CLEC2A: variants seen among roughly 807,000 people sequenced by gnomAD.
CLEC2A encodes the protein keratinocyte-associated C-type lectin.
A neutral mutation model predicts 18.6 loss-of-function variants in CLEC2A; 19 were observed. The ratio of observed to expected loss-of-function variants is 1.02; its 90% CI spans 0.71 to 1.50. The LOEUF (loss-of-function observed/expected upper bound fraction) is 1.50. CLEC2A is among the 40% of genes most tolerant of loss of function. CLEC2A has a pLI of 0.00. For synonymous variants in CLEC2A, 74 were observed against 64.0 expected, an observed-to-expected ratio of 1.16 and a Z score of -0.75; for missense variants, 190 against 207.9, an observed-to-expected ratio of 0.91 and a Z score of 0.53.
chr12:9,920,572 G>C (rs1381774751), intron 3 of CLEC2A, among the ~76,000 whole-genome samples: 1 of 152,148 alleles, frequency 6.6e-6, no homozygotes, highest in East Asian at 1.9e-4. Flanking sequence ...TCTATGGGTT[G>C]AGTTGTTTCC....
At chr12:9,900,077 T>C (rs1347241723) in intron 4 of CLEC2A, among the ~76,000 whole-genome samples, 1 of 152,208 alleles carries the variant, frequency 6.6e-6, no homozygotes, top group East Asian at 1.9e-4. Flanking sequence ...GCTACAGTTA[T>C]GTTGCTAGGA....
the CLEC2A span, among the ~76,000 whole-genome samples, chr12:9,887,878 C>T: frequency 6.6e-6 from 1 of 150,542 alleles, no homozygotes; most frequent in Non-Finnish European, 1.5e-5. Flanking sequence ...ATGGTGAAAC[C>T]CCGTCCCTAA....
At chr12:9,909,802 G>A (rs1862957371), downstream of CLEC2A, among the ~76,000 whole-genome samples, 2 of 152,122 alleles carry the variant, frequency 1.3e-5, no homozygotes, top group Admixed American at 1.3e-4. Flanking sequence ...GTTGTAAGGG[G>A]TGGGGAACAA....
the CLEC2A span, among the ~76,000 whole-genome samples, chr12:9,883,860 G>A: frequency 6.6e-6 from 1 of 152,120 alleles, no homozygotes; most frequent in African/African-American, 2.4e-5. Flanking sequence ...ACAGAAATTA[G>A]ATTTGAGAAA....
intron 3 of CLEC2A, among the ~76,000 whole-genome samples, chr12:9,917,376 G>A (rs1296721819): frequency 6.6e-6 from 1 of 152,008 alleles, no homozygotes; most frequent in Non-Finnish European, 1.5e-5. Context: ...CATAGTTCTG[G>A]GTTAATTATG....
chr12:9,879,541 T>C, the CLEC2A span, among the ~76,000 whole-genome samples: 58 of 152,296 alleles, frequency 3.8e-4, no homozygotes, highest in Admixed American at 3.1e-3. Flanking sequence ...AAATAACAAG[T>C]ATTTCTTTGC....
At chr12:9,885,125 G>T in the CLEC2A span, 2 of 393,750 alleles carry the variant, frequency 5.1e-6, no homozygotes, top group East Asian at 3.8e-5. Flanking sequence ...CTACACTGTA[G>T]TCCAAAACTG....
chr12:9,914,708 T>G (rs1863041438), intron 4 of CLEC2A, among the ~76,000 whole-genome samples: 1 of 152,086 alleles, frequency 6.6e-6, no homozygotes, highest in Non-Finnish European at 1.5e-5. Context: ...TATACAAAAA[T>G]TAACTCAAGA....
chr12:9,913,863 T>C (rs1414246474), intron 4 of CLEC2A, among the ~76,000 whole-genome samples, 183 bp from the exon 5 acceptor site: 1 of 152,198 alleles, frequency 6.6e-6, no homozygotes, highest in Non-Finnish European at 1.5e-5. Flanking sequence ...AGACTGAACA[T>C]AAGTGTTGGA....
the CLEC2A span, among the ~76,000 whole-genome samples, chr12:9,891,583 G>A: frequency 6.6e-6 from 1 of 152,114 alleles, no homozygotes; most frequent in Non-Finnish European, 1.5e-5. Context: ...AACTTGGGAG[G>A]TATATGAGAG....
At chr12:9,908,127 G>A (rs1476173000) in intron 4 of CLEC2A, among the ~76,000 whole-genome samples, 1 of 152,136 alleles carries the variant, frequency 6.6e-6, no homozygotes, top group Non-Finnish European at 1.5e-5. Context: ...GCCTTCTAGG[G>A]GAATGGGATA....
chr12:9,903,436 T>C (rs1862864071), intron 4 of CLEC2A, among the ~76,000 whole-genome samples: 1 of 152,210 alleles, frequency 6.6e-6, no homozygotes, highest in South Asian at 2.1e-4. Context: ...CTGAAACATT[T>C]TTCCATTAAA....
chr12:9,931,843 A>T (rs1863380395), intron 1 of CLEC2A, among the ~76,000 whole-genome samples: 1 of 152,140 alleles, frequency 6.6e-6, no homozygotes, highest in Non-Finnish European at 1.5e-5. Context: ...TTATGTTTCA[A>T]TCCACTGAAA....
intron 4 of CLEC2A, among the ~76,000 whole-genome samples, chr12:9,915,471 G>A (rs530275037): frequency 6.6e-6 from 1 of 152,092 alleles, no homozygotes; most frequent in Middle Eastern, 3.2e-3. Flanking sequence ...ATCAAAGATA[G>A]ACTGGTTAAA....
rs1303947009 is a variant in CLEC2A, at chr12:9,915,231, G to T, written c.410+1469C>A. 2.6e-5 allele frequency among the ~76,000 whole-genome samples: 4 copies of T among 152,100 alleles called. No individual in the cohort carries two copies. The East Asian group carries it at 5.8e-4, about 22-fold the overall frequency. On this transcript the variant is annotated intron_variant, in intron 4 of 4. Coordinates refer to ENST00000455827, the MANE Select transcript of CLEC2A (RefSeq NM_001130711.2). The stretch of plus-strand genomic sequence containing the variant: ...ATGCTGGTGAGGCTGTGGCGAGATA[G>T]GAATGCTTATACACTGCTGGTGGGA...
At chr12:9,893,494 A>G in the CLEC2A span, 1 of 1,525,222 alleles carries the variant, frequency 6.6e-7, no homozygotes, top group Non-Finnish European at 8.8e-7. Context: ...TTACATTCCA[A>G]GGGAACCTAT....
rs74063399 is a variant in CLEC2A, at chr12:9,927,027, G to A, written c.56-684C>T. On this transcript the variant is annotated intron_variant, in intron 1 of 4. Coordinates refer to ENST00000455827, the MANE Select transcript of CLEC2A (RefSeq NM_001130711.2). ...GAAACAATCTAGGAAGAATGTGCGTGTATGTGTGTGTCTGTGTGTGTGTGT... is the reference window on the plus strand; with the variant it reads ...GAAACAATCTAGGAAGAATGTGCGTATATGTGTGTGTCTGTGTGTGTGTGT... 9.9e-3 allele frequency among the ~76,000 whole-genome samples: 1,500 copies of A among 152,050 alleles called. 29 individuals carry two copies. The highest frequency in any genetic ancestry group is 0.033 in the African/African-American group (1,352 of 41,346).
At chr12:9,924,501 A>T (rs1432915574) in intron 2 of CLEC2A, among the ~76,000 whole-genome samples, 1 of 151,650 alleles carries the variant, frequency 6.6e-6, no homozygotes, top group Non-Finnish European at 1.5e-5. Context: ...GAGCAGTGCT[A>T]CTTAGCCAAA....
chr12:9,895,884 T>G, downstream of CLEC2A: 1 of 1,445,746 alleles, frequency 6.9e-7, no homozygotes, highest in Non-Finnish European at 9.1e-7. Context: ...GAGCTAGATT[T>G]TAAAGACTTA....
Sources: allele counts gnomAD v4.1 joint callset (sites outside exome capture counted in the v4.1 genomes callset), GRCh38; gene constraint gnomAD v4.1.1; transcripts MANE v1.5; gene names NCBI Gene and HGNC (gene_info 2026-07-23, HGNC 2026-07-21).